RBM39: variants seen among roughly 807,000 people sequenced by gnomAD.
The protein encoded by RBM39 is RNA binding motif protein 39.
A neutral mutation model predicts 79.6 loss-of-function variants in RBM39; 12 were observed. The ratio of observed to expected loss-of-function variants is 0.15; its 90% confidence interval spans 0.10 to 0.24. RBM39 has a LOEUF of 0.24. Ranked by LOEUF, RBM39 falls within the 10% of genes least tolerant of loss-of-function variation. The pLI, the probability that RBM39 is intolerant of heterozygous loss-of-function variation, is 1.00. For synonymous variants in RBM39, 185 were observed against 208.4 expected (o/e 0.89, Z 0.97); for missense variants, 243 against 653.4 (o/e 0.37, Z 6.85).
In RBM39 at chr20:35,703,848, ACAT is replaced by A. The variant is rs1377590490; in HGVS notation, c.*630_*632del. 1.3e-5 allele frequency: 2 copies of A among 152,338 alleles called. No individual in the cohort carries two copies. Among genetic ancestry groups the A allele is most frequent in the Non-Finnish European group, 2.9e-5 (2 of 68,044 alleles). 9.4% of individuals were successfully genotyped at this position (152,338 alleles called of 1,614,324 possible). On this transcript the variant is annotated 3_prime_UTR_variant, in exon 17 of 17. Coordinates refer to ENST00000253363, the MANE Select transcript of RBM39 (RefSeq NM_184234.3). ...TTGCCTACCAGACTCTCACGTTTAA[ACAT>A]CTTCAGGAAATGCAGGGATCATTTT...
At chr20:35,725,552 A>G (rs1014191239) in intron 6 of RBM39, among the ~76,000 whole-genome samples, 4 of 152,156 alleles carry the variant, frequency 2.6e-5, no homozygotes, top group Non-Finnish European at 4.4e-5. Context: ...AAGTGGTGGG[A>G]TAACAGGTGT....
intron 4 of RBM39, among the ~76,000 whole-genome samples, chr20:35,730,018 C>T (rs2039196789): frequency 6.6e-6 from 1 of 152,096 alleles, no homozygotes; most frequent in African/African-American, 2.4e-5. Flanking sequence ...TTTTGAAAGA[C>T]TTCTTTTAAA....
intron 10 of RBM39, 67 bp downstream of exon 10, chr20:35,716,673 A>T: frequency 1.0e-6 from 1 of 977,556 alleles, no homozygotes; most frequent in Non-Finnish European, 1.6e-6. Flanking sequence ...GACTAATCTG[A>T]GCAACACAGC....
At chr20:35,718,513 TA>T (rs1349216526) in intron 9 of RBM39, among the ~76,000 whole-genome samples, 2 of 151,504 alleles carry the variant, frequency 1.3e-5, no homozygotes, top group African/African-American at 2.4e-5. Context: ...CTGTCTCTAC[TA>T]AAACACAAAA....
intron 12 of RBM39, among the ~76,000 whole-genome samples, chr20:35,711,981 T>C (rs1020311232): frequency 4.6e-5 from 7 of 152,106 alleles, no homozygotes; most frequent in African/African-American, 1.7e-4. Context: ...TGATCCCAGC[T>C]ATGTGGGAGG....
rs138746987 is a variant in RBM39 at position 35,721,626 on chromosome 20, C to G, written c.825+114G>C. On this transcript the variant is annotated intron_variant, in intron 9 of 16. Coordinates refer to ENST00000253363, the MANE Select transcript of RBM39 (RefSeq NM_184234.3). ...CACAGAAATTTTTATAAAACCAGCC[C>G]TTATCCTCTTAATATTAACTCACAG... is the stretch of plus-strand genomic sequence containing the variant. The G allele has an allele frequency of 8.2e-4, 1,016 of 1,245,530 alleles. 1 individual carries two copies. Among genetic ancestry groups the G allele is most frequent in the Non-Finnish European group, 1.1e-3 (966 of 910,464 alleles). 77.2% of individuals were successfully genotyped at this position (1,245,530 alleles called of 1,614,324 possible).
At chr20:35,707,628 C>A (rs185623252) in intron 13 of RBM39, 2 of 187,010 alleles carry the variant, frequency 1.1e-5, no homozygotes, top group Non-Finnish European at 2.3e-5. Context: ...TTTCTGCCCA[C>A]GAAGTTTTTT....
intron 3 of RBM39, among the ~76,000 whole-genome samples, chr20:35,738,199 C>A (rs2040175446): frequency 6.6e-6 from 1 of 151,708 alleles, no homozygotes; most frequent in Non-Finnish European, 1.5e-5. Flanking sequence ...ACCCAGGAGG[C>A]GGAGGTTGCA....
Position 35,724,910 on chromosome 20 carries a change from T to C in RBM39, c.534+128A>G, listed in dbSNP as rs896345004. On this transcript the variant is annotated intron_variant, in intron 7 of 16. Transcript: ENST00000253363. ...TAGTAACATTTATCAACTCCAATAC[T>C]ACAAGAGGCAAAATGGAAACATTAC... 4 of 996,494 alleles carry C rather than the reference T, an allele frequency of 4.0e-6. No individual in the cohort carries two copies. The African/African-American group carries it at 4.9e-5, about 12-fold the overall frequency. 61.7% of individuals were successfully genotyped at this position (996,494 alleles called of 1,614,324 possible). A position where few individuals can be genotyped will look rare whatever the true frequency, so the allele number is the denominator to read the frequency against.
chr20:35,729,070 C>T (rs1336328504), intron 6 of RBM39, among the ~76,000 whole-genome samples: 1 of 116,150 alleles, frequency 8.6e-6, no homozygotes, highest in Non-Finnish European at 1.8e-5. Context: ...AGTGAGACTC[C>T]GTCTCAAAAT....
At chr20:35,722,006 TAC>T in intron 8 of RBM39, 129 bp from the exon 9 acceptor site, 1 of 1,044,670 alleles carries the variant, frequency 9.6e-7, no homozygotes, top group East Asian at 2.5e-5. Context: ...AGTCAGATAC[TAC>T]ATATCAACTT....
Position 35,729,480 on chromosome 20 carries a change from G to A in RBM39, c.344C>T (p.Pro115Leu). Residue 115 changes from proline (P) to leucine (L), a missense_variant, in exon 5 of 17, where the codon CCT becomes CTT. By Grantham distance (98) the Pro-to-Leu change is moderately conservative. Transcript: ENST00000253363. ...NSAIRGKIGL[P>L]HSIKLSRRRS... is the part of the protein sequence containing the mutation. ...TAAAAACCTTAATTTGATGCTATGA[G>A]GCAACCCAATCTTTCCTCGGATGGC... 6.2e-7 allele frequency: 1 copy of A among 1,613,776 alleles called. No individual in the cohort carries two copies. The highest frequency in any genetic ancestry group is 8.5e-7 in the Non-Finnish European group (1 of 1,179,936).
intron 10 of RBM39, among the ~76,000 whole-genome samples, chr20:35,716,094 C>A (rs2037093534): frequency 6.6e-6 from 1 of 151,984 alleles, no homozygotes; most frequent in Non-Finnish European, 1.5e-5. Flanking sequence ...AAGGCAGAGT[C>A]TTACTCTGTT....
At chr20:35,725,986 G>T (rs1335226524) in intron 6 of RBM39, among the ~76,000 whole-genome samples, 3 of 151,674 alleles carry the variant, frequency 2.0e-5, no homozygotes, top group Admixed American at 6.6e-5. Flanking sequence ...TTTTCAGTAA[G>T]ATCTATTGAC....
At chr20:35,730,893 C>T (rs2425110) in intron 4 of RBM39, among the ~76,000 whole-genome samples, 5 of 152,000 alleles carry the variant, frequency 3.3e-5, no homozygotes, top group Admixed American at 6.6e-5. Context: ...ACCAGCATCA[C>T]GGAGTTTAAT....
At position 35,713,058 on chromosome 20, in the gene RBM39, G is replaced by A. The variant is rs375885096; in HGVS notation, c.1135C>T (p.Leu379=). ...AATGCCAAAGAGCCACTCATCTGTA[G>A]AGCTTGCTGTGCTGCTGGCGGAATC... is the stretch of plus-strand genomic sequence containing the variant. ...LQIPPAAQQA[L]QMSGSLAFGA... is the part of the protein sequence containing the mutation. The change falls in exon 12 of 17, where the codon CTA becomes TTA. Residue 379 remains leucine, a synonymous_variant. Coordinates refer to ENST00000253363, the MANE Select transcript of RBM39 (RefSeq NM_184234.3). 6.2e-7 allele frequency: 1 copy of A among 1,613,874 alleles called. No homozygotes were observed. Among genetic ancestry groups the A allele is most frequent in the African/African-American group, 1.3e-5 (1 of 75,048 alleles).
At chr20:35,711,775 C>T (rs750793016) in intron 12 of RBM39, among the ~76,000 whole-genome samples, 4 of 152,180 alleles carry the variant, frequency 2.6e-5, no homozygotes, top group Admixed American at 6.5e-5. Context: ...AGGACCTCTT[C>T]GTACTTTCAG....
intron 8 of RBM39, among the ~76,000 whole-genome samples, chr20:35,722,431 AAT>A (rs2038076143): frequency 6.8e-6 from 1 of 147,810 alleles, no homozygotes; most frequent in African/African-American, 2.5e-5. Flanking sequence ...TAAAAAAAAA[AAT>A]AAAAATAAAA....
chr20:35,705,924 A>G (rs2035672213), intron 14 of RBM39, among the ~76,000 whole-genome samples: 1 of 151,978 alleles, frequency 6.6e-6, no homozygotes. Flanking sequence ...TAAATGGGCC[A>G]GGCGCAGCAG....
Sources: gnomAD v4.1 joint callset for allele counts (sites outside exome capture counted in the v4.1 genomes callset) on GRCh38, gnomAD v4.1.1 for gene constraint, MANE v1.5 for transcripts, NCBI Gene and HGNC (gene_info 2026-07-23, HGNC 2026-07-21) for gene names.